Variants in SULF1 observed in about 807,000 individuals in gnomAD.
The protein encoded by SULF1 is extracellular sulfatase Sulf-1.
Under a neutral mutation model 110.5 loss-of-function variants are expected in SULF1, and 46 were observed. The observed-to-expected ratio is 0.42, with a 90% CI of 0.33 to 0.53. SULF1 has a LOEUF of 0.53. Ranked by LOEUF, SULF1 falls within the 20% of genes least tolerant of loss-of-function variation. The pLI, the probability that SULF1 is intolerant of heterozygous loss-of-function variation, is 0.12. For missense variants in SULF1, 941 were observed against 1,094.2 expected (o/e 0.86, Z 1.98); for synonymous variants, 371 against 387.1 (o/e 0.96, Z 0.49).
At chr8:69,569,613 TA>T (rs1805075536) in intron 5 of SULF1, among the ~76,000 whole-genome samples, 1 of 152,176 alleles carries the variant, frequency 6.6e-6, no homozygotes, top group African/African-American at 2.4e-5. Context: ...CTATCAAAGG[TA>T]AAACAACAAA....
chr8:69,595,694 G>A (rs976550438), intron 8 of SULF1, among the ~76,000 whole-genome samples: 2 of 152,116 alleles, frequency 1.3e-5, no homozygotes, highest in Admixed American at 1.3e-4. Flanking sequence ...ATCTTTAAGG[G>A]TTAGATCATT....
intron 10 of SULF1, 43 bp from the exon 11 acceptor site, chr8:69,603,149 C>T (rs1214046576): frequency 1.9e-6 from 3 of 1,609,992 alleles, no homozygotes; most frequent in Admixed American, 3.3e-5. Flanking sequence ...TGCCACCTTC[C>T]CCTGGCATTG....
chr8:69,627,264 G>C lies in SULF1; in HGVS notation c.1905G>C (p.Ser635=). 2 of 1,614,016 alleles carry C rather than the reference G, an allele frequency of 1.2e-6. No homozygotes were observed. Among genetic ancestry groups the C allele is most frequent in the Non-Finnish European group, 1.7e-6 (2 of 1,179,992 alleles). The change falls in exon 16 of 23, where the codon TCG becomes TCC. Residue 635 remains serine, a synonymous_variant. Transcript: ENST00000402687. ...SIHCERELYQ[S]ARAWKDHKAY... ...ATTGTGAGAGAGAACTGTACCAATC[G>C]GCCAGAGCGTGGAAGGACCATAAGG...
intron 22 of SULF1, among the ~76,000 whole-genome samples, chr8:69,646,056 G>C (rs897625028): frequency 2.9e-4 from 44 of 152,238 alleles, no homozygotes; most frequent in African/African-American, 1.0e-3. Context: ...CAGGGTACCA[G>C]TACAGCAGAT....
chr8:69,652,957 T>C (rs973237461), intron 22 of SULF1, among the ~76,000 whole-genome samples: 3 of 152,248 alleles, frequency 2.0e-5, no homozygotes, highest in Non-Finnish European at 2.9e-5. Flanking sequence ...TTAAACTTAA[T>C]TCAGCTGAGG....
At chr8:69,544,277 G>GT (rs546937297) in intron 3 of SULF1, among the ~76,000 whole-genome samples, 287 of 149,866 alleles carry the variant, frequency 1.9e-3, no homozygotes, top group Non-Finnish European at 2.2e-3. Context: ...TTTTTTGTTT[G>GT]TTTTTTTTTG....
chr8:69,488,107 A>G (rs904008919), upstream of SULF1, among the ~76,000 whole-genome samples: 6 of 152,352 alleles, frequency 3.9e-5, no homozygotes, highest in Admixed American at 3.9e-4. Context: ...GTCTAGTGCA[A>G]ACATGACCTT....
In SULF1 at chr8:69,624,195, CAAGT is replaced by C; in HGVS notation, c.1850+2_1850+5del. On this transcript the variant is annotated splice_donor_variant and coding_sequence_variant, in exon 15 of 23. Coordinates refer to ENST00000402687, the MANE Select transcript of SULF1 (RefSeq NM_001128205.2). LOFTEE classifies it high-confidence loss of function. ...CACCTACCACTGTCCGAGTGACACA[CAAGT>C]AAGAAAGCTTTATTTGTTCACTAGG... is the stretch of plus-strand genomic sequence containing the variant. 1 of 1,570,114 alleles carries C rather than the reference CAAGT, an allele frequency of 6.4e-7. No homozygotes were observed. The highest frequency in any genetic ancestry group is 8.6e-7 in the Non-Finnish European group (1 of 1,157,408).
At chr8:69,600,881 G>A (rs1807748356) in intron 9 of SULF1, 128 bp downstream of exon 9, 1 of 1,079,212 alleles carries the variant, frequency 9.3e-7, no homozygotes, top group South Asian at 1.6e-5. Flanking sequence ...GAAAGAAAGA[G>A]AGAGAGTATG....
At chr8:69,575,323 C>A (rs2150742970) in intron 5 of SULF1, among the ~76,000 whole-genome samples, 1 of 152,004 alleles carries the variant, frequency 6.6e-6, no homozygotes, top group South Asian at 2.1e-4. Flanking sequence ...CTTTCACAAG[C>A]AAACAGCCTA....
chr8:69,627,231 C>G lies in SULF1; in HGVS notation c.1872C>G (p.Asp624Glu). The change falls in exon 16 of 23, where the codon GAC (aspartate) becomes GAG (glutamate). Residue 624 changes from aspartate (D) to glutamate (E), a missense_variant. Coordinates refer to ENST00000402687, the MANE Select transcript of SULF1 (RefSeq NM_001128205.2). ...VTHKCFILPN[D>E]SIHCERELYQ... ...GCAGGTGTTTTATTCTTCCCAATGA[C>G]TCTATCCATTGTGAGAGAGAACTGT... is the stretch of plus-strand genomic sequence containing the variant. 1 of 1,614,010 alleles carries G rather than the reference C, an allele frequency of 6.2e-7. No individual in the cohort carries two copies.
At chr8:69,596,697 A>C (rs1199994786) in intron 8 of SULF1, among the ~76,000 whole-genome samples, 2 of 152,186 alleles carry the variant, frequency 1.3e-5, no homozygotes, top group Non-Finnish European at 2.9e-5. Flanking sequence ...ATGGAGAGCT[A>C]TCCCGGTGCA....
intron 22 of SULF1, among the ~76,000 whole-genome samples, chr8:69,654,078 T>C (rs1406821289): frequency 6.6e-6 from 1 of 152,228 alleles, no homozygotes; most frequent in Non-Finnish European, 1.5e-5. Context: ...TAGCAATATA[T>C]GACCTCACCC....
rs1486853618 is a variant in SULF1 at position 69,501,854 on chromosome 8, T to C, written c.-228-20T>C. 1 of 152,096 alleles carries C rather than the reference T, an allele frequency of 6.6e-6. No individual in the cohort carries two copies. The highest frequency in any genetic ancestry group is 1.5e-5 in the Non-Finnish European group (1 of 68,020). 9.4% of individuals were successfully genotyped at this position (152,096 alleles called of 1,614,324 possible). On this transcript the variant is annotated intron_variant, in intron 2 of 22. Transcript: ENST00000402687. ...CTGATAAAACGTAACTGATGGCAAT[T>C]TTGCTCTTTTCCATCGTAGGTGCTG...
intron 3 of SULF1, among the ~76,000 whole-genome samples, chr8:69,557,596 AACC>A (rs1261952313): frequency 6.6e-6 from 1 of 152,172 alleles, no homozygotes; most frequent in Non-Finnish European, 1.5e-5. Context: ...ACAGAGAGAA[AACC>A]TAGAAAACTT....
At chr8:69,584,076 G>A (rs928671178) in intron 6 of SULF1, among the ~76,000 whole-genome samples, 2 of 152,216 alleles carry the variant, frequency 1.3e-5, no homozygotes, top group African/African-American at 2.4e-5. Context: ...CTGAGGGCAA[G>A]CTAGCAGAGT....
intron 3 of SULF1, among the ~76,000 whole-genome samples, chr8:69,503,582 G>A (rs1034005582): frequency 1.4e-4 from 21 of 152,088 alleles, no homozygotes; most frequent in African/African-American, 3.9e-4. Flanking sequence ...AATTTTCTTT[G>A]TGAAACTCTA....
chr8:69,588,931 A>T, intron 7 of SULF1, 41 bp from the exon 8 acceptor site: 1 of 1,584,320 alleles, frequency 6.3e-7, no homozygotes, highest in Non-Finnish European at 8.6e-7. Context: ...GATGAATGTC[A>T]CCTTTTGTAA....
chr8:69,572,409 C>T (rs956063306), intron 5 of SULF1, among the ~76,000 whole-genome samples: 1 of 152,188 alleles, frequency 6.6e-6, no homozygotes. Context: ...GGATTATTGT[C>T]TGGATCAAAT....
Sources: gnomAD v4.1 joint callset for allele counts (sites outside exome capture counted in the v4.1 genomes callset) on GRCh38, gnomAD v4.1.1 for gene constraint, MANE v1.5 for transcripts, NCBI Gene and HGNC (gene_info 2026-07-23, HGNC 2026-07-21) for gene names.